The following CLIC5 variants were observed in gnomAD, a reference collection of about 807,000 sequenced individuals.
CLIC5 encodes chloride intracellular channel protein 5.
Under a neutral mutation model 24.7 loss-of-function variants are expected in CLIC5, and 20 were observed. That is an observed-to-expected ratio of 0.81 (90% CI 0.57 to 1.18). CLIC5 has a LOEUF of 1.18. CLIC5 is among the 50% of genes most tolerant of loss of function. The probability of loss-of-function intolerance (pLI) is 0.00; values close to 1 mark genes in which losing one functional copy is unlikely to be tolerated. For missense variants in CLIC5, 341 were observed against 326.1 expected, an observed-to-expected ratio of 1.05 and a Z score of -0.35; for synonymous variants, 159 against 135.6, an observed-to-expected ratio of 1.17 and a Z score of -1.20.
At chr6:45,894,832 C>G (rs578185018), downstream of CLIC5, among the ~76,000 whole-genome samples, 38 of 152,260 alleles carry the variant, frequency 2.5e-4, no homozygotes, top group African/African-American at 8.9e-4. Context: ...AAGGTGAGGT[C>G]TTGGACAATT....
rs868827129 is a variant in CLIC5 at position 45,958,426 on chromosome 6, A to G, written c.64-3182T>C. Among the ~76,000 whole-genome samples the G allele has an allele frequency of 3.8e-5, 2 of 52,606 alleles. 1 individual carries two copies. Among genetic ancestry groups the G allele is most frequent in the East Asian group, 2.4e-3 (2 of 828 alleles). The allele number at this position is 52,606 out of a possible 152,430, so 34.5% of individuals were successfully genotyped here. On this transcript the variant is annotated intron_variant, in intron 1 of 5. Coordinates refer to ENST00000339561, the MANE Select transcript of CLIC5 (RefSeq NM_016929.5). ...AGGGAAGTGTCAAAAAGACAATTAT[A>G]TATATATATATATATATATATATAT... is the stretch of plus-strand genomic sequence containing the variant.
intron 1 of CLIC5, among the ~76,000 whole-genome samples, chr6:46,009,399 G>A (rs1442318131): frequency 6.6e-6 from 1 of 152,104 alleles, no homozygotes; most frequent in African/African-American, 2.4e-5. Flanking sequence ...GAAGAGAAAT[G>A]TCCCTGACTG....
the CLIC5 span, among the ~76,000 whole-genome samples, chr6:46,108,032 C>CAAAAAAAAAAAAAA: frequency 2.0e-3 from 67 of 33,268 alleles, 1 homozygote; most frequent in South Asian, 3.6e-3. Flanking sequence ...AAAACTCCAT[C>CAAAAAAAAAAAAAA]AAAAAAAAAA....
intron 4 of CLIC5, among the ~76,000 whole-genome samples, chr6:45,930,122 C>T (rs1763671579): frequency 6.6e-6 from 1 of 152,192 alleles, no homozygotes; most frequent in Non-Finnish European, 1.5e-5. Flanking sequence ...AAATGCCCCA[C>T]TTCACTGTCC....
chr6:46,061,002 G>A (rs558274897), intron 1 of CLIC5, among the ~76,000 whole-genome samples: 38 of 152,154 alleles, frequency 2.5e-4, no homozygotes, highest in South Asian at 4.1e-4. Flanking sequence ...TACAGAGTGC[G>A]GGTTCTATAA....
chr6:46,125,175 C>G, the CLIC5 span, among the ~76,000 whole-genome samples: 50 of 152,258 alleles, frequency 3.3e-4, no homozygotes, highest in East Asian at 8.1e-3. Context: ...TTGGATCCAA[C>G]CCAAATGTCC....
At chr6:46,079,624 C>T (rs1265605079) in intron 1 of CLIC5, 8 of 1,226,926 alleles carry the variant, frequency 6.5e-6, no homozygotes, top group Non-Finnish European at 9.1e-6. Context: ...TGAATCTTTC[C>T]CTGGTCATTC....
intron 1 of CLIC5, among the ~76,000 whole-genome samples, chr6:46,009,057 C>T (rs1766705075): frequency 6.6e-6 from 1 of 152,046 alleles, no homozygotes. Context: ...TAGACAGGAC[C>T]TGGGCAGGTA....
At chr6:46,019,583 G>C (rs1767116375), upstream of CLIC5, among the ~76,000 whole-genome samples, 1 of 150,232 alleles carries the variant, frequency 6.7e-6, no homozygotes, top group Admixed American at 6.6e-5. Context: ...CTACTGGGGA[G>C]GCTGAGGCAG....
At chr6:46,115,499 T>C in the CLIC5 span, among the ~76,000 whole-genome samples, 1 of 152,190 alleles carries the variant, frequency 6.6e-6, no homozygotes, top group South Asian at 2.1e-4. Flanking sequence ...ATTTTTTCCC[T>C]TTTTTCAGCT....
chr6:45,949,337 G>A lies in CLIC5; in HGVS notation c.218C>T (p.Pro73Leu). 6.2e-7 allele frequency: 1 copy of A among 1,614,004 alleles called. No homozygotes were observed. Among genetic ancestry groups the A allele is most frequent in the Non-Finnish European group, 8.5e-7 (1 of 1,179,918 alleles). ...CACGTCCCCGTTGAAGGTCAGGAAG[G>A]GCGGGTGCGTGCCGGGGGCTAGGTT... ...LHNLAPGTHP[P>L]FLTFNGDVKT... The change falls in exon 3 of 6, where the codon CCC becomes CTC. Residue 73 changes from proline to leucine, a missense_variant. Coordinates refer to ENST00000339561, the MANE Select transcript of CLIC5 (RefSeq NM_016929.5).
intron 6 of CLIC5, among the ~76,000 whole-genome samples, chr6:45,892,444 T>A (rs1762361842): frequency 6.6e-6 from 1 of 152,198 alleles, no homozygotes; most frequent in South Asian, 2.1e-4. Context: ...AAGCCCAGCA[T>A]TTGACTGGCT....
chr6:45,978,097 C>T (rs1421366071), intron 1 of CLIC5, among the ~76,000 whole-genome samples: 1 of 152,182 alleles, frequency 6.6e-6, no homozygotes, highest in Non-Finnish European at 1.5e-5. Context: ...GTTTGCTCCT[C>T]AGTAAAGTAG....
chr6:46,044,684 C>G (rs1043603918), intron 1 of CLIC5, among the ~76,000 whole-genome samples: 1 of 152,116 alleles, frequency 6.6e-6, no homozygotes, highest in Non-Finnish European at 1.5e-5. Context: ...TCTAACTAAA[C>G]AGTCATCTAT....
At chr6:46,066,087 G>A (rs776434660) in intron 1 of CLIC5, among the ~76,000 whole-genome samples, 3 of 152,174 alleles carry the variant, frequency 2.0e-5, no homozygotes, top group Non-Finnish European at 4.4e-5. Flanking sequence ...GAAATGTGTA[G>A]AAGGGACTGC....
At chr6:46,072,029 A>C (rs1192696594) in intron 1 of CLIC5, among the ~76,000 whole-genome samples, 1 of 152,116 alleles carries the variant, frequency 6.6e-6, no homozygotes, top group African/African-American at 2.4e-5. Context: ...GTGGGAGCTA[A>C]ATGATGAGAA....
intron 1 of CLIC5, among the ~76,000 whole-genome samples, chr6:46,057,141 G>A (rs561709578): frequency 5.9e-5 from 9 of 152,242 alleles, no homozygotes; most frequent in African/African-American, 2.2e-4. Flanking sequence ...CCTGCTAATT[G>A]GTCTGCCTGT....
At chr6:46,109,809 A>AT in the CLIC5 span, among the ~76,000 whole-genome samples, 49 of 152,242 alleles carry the variant, frequency 3.2e-4, 1 homozygote, top group East Asian at 9.4e-3. Flanking sequence ...GAATTTGGAA[A>AT]CTGTTGGGAA....
At chr6:46,088,458 G>A in the CLIC5 span, among the ~76,000 whole-genome samples, 2 of 152,048 alleles carry the variant, frequency 1.3e-5, no homozygotes, top group Non-Finnish European at 2.9e-5. Context: ...TAGTGTCAAA[G>A]ATGTATGTAT....
Sources: allele counts gnomAD v4.1 joint callset (sites outside exome capture counted in the v4.1 genomes callset), GRCh38; gene constraint gnomAD v4.1.1; transcripts MANE v1.5; gene names NCBI Gene and HGNC (gene_info 2026-07-23, HGNC 2026-07-21).